The following LMNB1 variants were observed in gnomAD, a reference collection of about 807,000 sequenced individuals.
LMNB1 encodes the protein lamin B1.
In LMNB1, 23 loss-of-function variants were observed where a neutral mutation model predicts 67.1. That is an observed-to-expected ratio of 0.34 (90% CI 0.25 to 0.49). The LOEUF is 0.49. Among genes scored for constraint, LMNB1 ranks in the 20% least tolerant of loss-of-function variants. The probability of loss-of-function intolerance (pLI) is 0.99; values close to 1 mark genes in which losing one functional copy is unlikely to be tolerated. For missense variants in LMNB1, 634 were observed against 746.5 expected, an observed-to-expected ratio of 0.85 and a Z score of 1.76; for synonymous variants, 281 against 282.9, an observed-to-expected ratio of 0.99 and a Z score of 0.07.
intron 3 of LMNB1, among the ~76,000 whole-genome samples, chr5:126,809,611 C>T (rs754386467): frequency 5.3e-5 from 8 of 152,070 alleles, no homozygotes; most frequent in Non-Finnish European, 1.2e-4. Context: ...TGCTTGAACC[C>T]GGGAGGCGGA....
In LMNB1 at chr5:126,811,810, C is replaced by T; in HGVS notation, c.851C>T (p.Ser284Phe). Reference protein sequence around the residue: ...NARLSSEMNTSTVNSAREELM... With the variant: ...NARLSSEMNTFTVNSAREELM... ...AGACTGTCATCAGAGATGAATACTT[C>T]TACTGTCAACAGTGCCAGGGAAGAA... The change falls in exon 5 of 11, where the codon TCT (serine) becomes TTT (phenylalanine). Residue 284 changes from serine (S) to phenylalanine (F), a missense_variant. Coordinates refer to ENST00000261366, the MANE Select transcript of LMNB1 (RefSeq NM_005573.4). 6.2e-7 allele frequency: 1 copy of T among 1,611,866 alleles called. No homozygotes were observed. The highest frequency in any genetic ancestry group is 8.5e-7 in the Non-Finnish European group (1 of 1,178,116).
intron 5 of LMNB1, among the ~76,000 whole-genome samples, chr5:126,812,288 A>G (rs1289860431): frequency 6.6e-6 from 1 of 152,176 alleles, no homozygotes; most frequent in Non-Finnish European, 1.5e-5. Flanking sequence ...AACATGCAAA[A>G]ATTCTTTGTG....
intron 1 of LMNB1, among the ~76,000 whole-genome samples, chr5:126,785,789 G>A (rs368627990): frequency 6.6e-6 from 1 of 151,894 alleles, no homozygotes; most frequent in African/African-American, 2.4e-5. Context: ...CGAGGTGGGC[G>A]GATCACCTGA....
chr5:126,834,738 T>A (rs1394529413), intron 10 of LMNB1, among the ~76,000 whole-genome samples: 2 of 151,916 alleles, frequency 1.3e-5, no homozygotes, highest in African/African-American at 4.8e-5. Context: ...TAGCCGGGCG[T>A]GGTGGCGGGA....
intron 1 of LMNB1, among the ~76,000 whole-genome samples, chr5:126,778,250 C>T (rs887494772): frequency 2.0e-5 from 3 of 152,050 alleles, no homozygotes; most frequent in East Asian, 3.9e-4. Flanking sequence ...AGCGCGCGCT[C>T]GCGTGCGCGC....
In LMNB1 at chr5:126,790,879, G is replaced by A. The variant is rs1027985840; in HGVS notation, c.359+13012G>A. On this transcript the variant is annotated intron_variant, in intron 1 of 10. Transcript: ENST00000261366. The stretch of plus-strand genomic sequence containing the variant: ...CTACTAAAAGTACAAAAAATTAGCC[G>A]GTGTGGTGGTGGGTGCCTGTAATCC... 2.4e-4 allele frequency among the ~76,000 whole-genome samples: 37 copies of A among 151,900 alleles called. 1 individual carries two copies. The highest frequency in any genetic ancestry group is 2.0e-3 in the Admixed American group (30 of 15,228).
At chr5:126,818,227 C>G (rs575243701) in intron 5 of LMNB1, among the ~76,000 whole-genome samples, 3 of 148,448 alleles carry the variant, frequency 2.0e-5, no homozygotes, top group African/African-American at 7.4e-5. Flanking sequence ...TTTTGTCAGT[C>G]AGTGTTTATA....
chr5:126,788,809 A>C (rs1750875667), intron 1 of LMNB1, among the ~76,000 whole-genome samples: 1 of 152,138 alleles, frequency 6.6e-6, no homozygotes, highest in Non-Finnish European at 1.5e-5. Flanking sequence ...GCCATAATTA[A>C]GGGGAGAATG....
intron 9 of LMNB1, among the ~76,000 whole-genome samples, 162 bp from the exon 10 acceptor site, chr5:126,832,532 T>C (rs956258965): frequency 6.6e-6 from 1 of 152,128 alleles, no homozygotes; most frequent in African/African-American, 2.4e-5. Context: ...ACTCCTGACC[T>C]CGGGTGATCT....
chr5:126,827,800 G>C (rs1752030033), intron 9 of LMNB1, among the ~76,000 whole-genome samples: 1 of 152,200 alleles, frequency 6.6e-6, no homozygotes, highest in South Asian at 2.1e-4. Context: ...GTGATGTCAG[G>C]AAAGCCAAGG....
chr5:126,777,450 C>A lies in LMNB1; in HGVS notation c.-59C>A. 1.6e-6 allele frequency: 2 copies of A among 1,277,398 alleles called. No individual in the cohort carries two copies. The highest frequency in any genetic ancestry group is 2.0e-6 in the Non-Finnish European group (2 of 1,015,568). The allele number at this position is 1,277,398 out of a possible 1,614,324, so 79.1% of individuals were successfully genotyped here. A position where few individuals can be genotyped will look rare whatever the true frequency, so the allele number is the denominator to read the frequency against. On this transcript the variant is annotated 5_prime_UTR_variant, in exon 1 of 11. Coordinates refer to ENST00000261366, the MANE Select transcript of LMNB1 (RefSeq NM_005573.4). ...CGGTCCCCGCTTCGCCCCCTGCCGT[C>A]CCCTCCTTATCACGGTCCCGCTCGC... is the stretch of plus-strand genomic sequence containing the variant.
intron 3 of LMNB1, among the ~76,000 whole-genome samples, chr5:126,808,290 TC>T (rs1751501645): frequency 6.6e-6 from 1 of 151,832 alleles, no homozygotes; most frequent in Non-Finnish European, 1.5e-5. Context: ...TTCAAATGAT[TC>T]TTGTGCCTCA....
chr5:126,822,709 T>C (rs1751898654), intron 7 of LMNB1, 72 bp from the exon 8 acceptor site: 1 of 911,678 alleles, frequency 1.1e-6, no homozygotes, highest in Admixed American at 2.2e-5. Context: ...CTGTATGGAT[T>C]AATTTATTTG....
chr5:126,823,627 T>C (rs1423313733), intron 8 of LMNB1, among the ~76,000 whole-genome samples: 1 of 152,234 alleles, frequency 6.6e-6, no homozygotes, highest in Non-Finnish European at 1.5e-5. Flanking sequence ...TTTCCTTTTA[T>C]ATATTCTTTA....
chr5:126,798,705 AT>A (rs557055800), intron 1 of LMNB1, among the ~76,000 whole-genome samples: 2 of 150,492 alleles, frequency 1.3e-5, no homozygotes, highest in Non-Finnish European at 3.0e-5. Context: ...TGTGTGTGTG[AT>A]TTTTTTTCCT....
At chr5:126,789,201 T>C (rs1750888210) in intron 1 of LMNB1, among the ~76,000 whole-genome samples, 1 of 152,112 alleles carries the variant, frequency 6.6e-6, no homozygotes, top group Non-Finnish European at 1.5e-5. Context: ...GGAGGCATTC[T>C]TAAGGGTCAA....
intron 10 of LMNB1, among the ~76,000 whole-genome samples, chr5:126,835,791 A>G (rs1286993108): frequency 1.3e-5 from 2 of 152,188 alleles, no homozygotes; most frequent in Admixed American, 1.3e-4. Flanking sequence ...AGAAGTCCAT[A>G]AAAGAAGGTT....
chr5:126,835,724 A>G (rs779654103), intron 10 of LMNB1, among the ~76,000 whole-genome samples: 2 of 152,202 alleles, frequency 1.3e-5, no homozygotes, highest in South Asian at 4.1e-4. Flanking sequence ...CAGGATCTGA[A>G]TGTGTAGCCA....
Position 126,810,287 on chromosome 5 carries a change from AGAGCAACATGATGCCCAAGT to A in LMNB1, c.754_773del (p.Gln252AlafsTer3). 1 of 1,613,888 alleles carries A rather than the reference AGAGCAACATGATGCCCAAGT, an allele frequency of 6.2e-7. No homozygotes were observed. Among genetic ancestry groups the A allele is most frequent in the Non-Finnish European group, 8.5e-7 (1 of 1,179,764 alleles). On this transcript the variant is annotated frameshift_variant, in exon 4 of 11. Coordinates refer to ENST00000261366, the MANE Select transcript of LMNB1 (RefSeq NM_005573.4). LOFTEE classifies it high-confidence loss of function. ...TGGCGCAAGCCCTTCATGAGATGAG[AGAGCAACATGATGCCCAAGT>A]GAGGCTGTATAAGGAGGAGCTGGAG...
Sources: allele counts gnomAD v4.1 joint callset (sites outside exome capture counted in the v4.1 genomes callset), GRCh38; gene constraint gnomAD v4.1.1; transcripts MANE v1.5; gene names NCBI Gene and HGNC (gene_info 2026-07-23, HGNC 2026-07-21).